The following LOC128706666 variants were observed in gnomAD, a reference collection of about 807,000 sequenced individuals.
At chr20:10,433,219 T>C in the LOC128706666 span, among the ~76,000 whole-genome samples, 4 of 152,236 alleles carry the variant, frequency 2.6e-5, no homozygotes, top group African/African-American at 9.6e-5. Flanking sequence ...TTGGCCTGGC[T>C]GGCCCCAAAC....
At chr20:10,418,082 G>A in the LOC128706666 span, among the ~76,000 whole-genome samples, 1 of 152,294 alleles carries the variant, frequency 6.6e-6, no homozygotes, top group East Asian at 1.9e-4. Context: ...TGTAGGTAAA[G>A]AGTCACTGTT....
chr20:10,430,944 A>G, the LOC128706666 span, among the ~76,000 whole-genome samples: 1 of 152,234 alleles, frequency 6.6e-6, no homozygotes, highest in African/African-American at 2.4e-5. Flanking sequence ...GCATTGAGTA[A>G]TGGCGAGAAT....
At chr20:10,432,361 T>G in the LOC128706666 span, among the ~76,000 whole-genome samples, 2 of 152,194 alleles carry the variant, frequency 1.3e-5, no homozygotes, top group African/African-American at 2.4e-5. Context: ...AGAGTCTGAT[T>G]CTCAGGAAAC....
At chr20:10,424,683 A>G in the LOC128706666 span, among the ~76,000 whole-genome samples, 1 of 152,218 alleles carries the variant, frequency 6.6e-6, no homozygotes, top group African/African-American at 2.4e-5. Flanking sequence ...TTTTACTTAC[A>G]ATCAAACATA....
the LOC128706666 span, among the ~76,000 whole-genome samples, chr20:10,433,577 C>T: frequency 4.6e-4 from 70 of 152,314 alleles, 1 homozygote; most frequent in East Asian, 4.4e-3. Flanking sequence ...GGGAGGAAGA[C>T]GAGCATGACC....
At chr20:10,427,247 T>C in the LOC128706666 span, among the ~76,000 whole-genome samples, 8 of 152,350 alleles carry the variant, frequency 5.3e-5, no homozygotes, top group South Asian at 2.1e-4. Flanking sequence ...CAGGGAATGT[T>C]ACATCAAATG....
the LOC128706666 span, chr20:10,431,609 C>T: frequency 1.3e-5 from 2 of 152,162 alleles, no homozygotes; most frequent in Non-Finnish European, 2.9e-5. Flanking sequence ...ACCAAGTTGA[C>T]TCATTTTTCA....
chr20:10,417,379 G>A, the LOC128706666 span, among the ~76,000 whole-genome samples: 11 of 152,214 alleles, frequency 7.2e-5, no homozygotes, highest in African/African-American at 2.4e-4. Context: ...GGGAGGCCAA[G>A]GCAGGAGGAT....
At chr20:10,430,226 T>G in the LOC128706666 span, among the ~76,000 whole-genome samples, 3 of 152,156 alleles carry the variant, frequency 2.0e-5, no homozygotes. Context: ...AAGAATGCAT[T>G]GTCATGTAGT....
chr20:10,425,508 A>G, the LOC128706666 span, among the ~76,000 whole-genome samples: 24,463 of 152,220 alleles, frequency 0.16, 2,343 homozygotes, highest in African/African-American at 0.25. Flanking sequence ...TGACTTTTAG[A>G]AAGGTTCATG....
chr20:10,421,942 C>A, the LOC128706666 span, among the ~76,000 whole-genome samples: 1 of 152,056 alleles, frequency 6.6e-6, no homozygotes, highest in African/African-American at 2.4e-5. Context: ...ATGCTATGAA[C>A]TTGGCTCAAT....
At chr20:10,420,276 G>A in the LOC128706666 span, among the ~76,000 whole-genome samples, 1 of 152,068 alleles carries the variant, frequency 6.6e-6, no homozygotes, top group African/African-American at 2.4e-5. Flanking sequence ...ACACATTCAT[G>A]ATCCTGGTGA....
chr20:10,424,246 T>A, the LOC128706666 span, among the ~76,000 whole-genome samples: 28 of 150,898 alleles, frequency 1.9e-4, no homozygotes, highest in Non-Finnish European at 8.8e-5. Context: ...AAGAAAAAAA[T>A]ATATATTAAA....
At chr20:10,426,975 T>C in the LOC128706666 span, among the ~76,000 whole-genome samples, 2 of 150,022 alleles carry the variant, frequency 1.3e-5, no homozygotes, top group South Asian at 4.2e-4. Context: ...TTCTACCTCA[T>C]TATAAATACT....
the LOC128706666 span, among the ~76,000 whole-genome samples, chr20:10,431,091 C>A: frequency 6.6e-6 from 1 of 152,124 alleles, no homozygotes; most frequent in Non-Finnish European, 1.5e-5. Flanking sequence ...CAGTGCCTAG[C>A]ATGTGGGAAG....
the LOC128706666 span, among the ~76,000 whole-genome samples, chr20:10,418,924 T>A: frequency 6.6e-6 from 1 of 152,190 alleles, no homozygotes; most frequent in African/African-American, 2.4e-5. Context: ...ACAAATTTTA[T>A]ATAGAATGTC....
the LOC128706666 span, among the ~76,000 whole-genome samples, chr20:10,427,517 TG>T: frequency 6.6e-6 from 1 of 152,222 alleles, no homozygotes; most frequent in South Asian, 2.1e-4. Flanking sequence ...ATGACAATGT[TG>T]GCTTTAGGTA....
chr20:10,433,756 G>A, the LOC128706666 span, among the ~76,000 whole-genome samples: 21 of 152,188 alleles, frequency 1.4e-4, no homozygotes, highest in African/African-American at 4.6e-4. Context: ...GGGCACACGG[G>A]GCCCCTCCCA....
the LOC128706666 span, among the ~76,000 whole-genome samples, chr20:10,421,416 CAAAAAA>C: frequency 1.2e-5 from 1 of 86,120 alleles, no homozygotes; most frequent in African/African-American, 3.7e-5. Flanking sequence ...GACTCCATCA[CAAAAAA>C]AAAAAAAAAA....
Sources: gnomAD v4.1 joint callset for allele counts (sites outside exome capture counted in the v4.1 genomes callset) on GRCh38, gnomAD v4.1.1 for gene constraint, MANE v1.5 for transcripts.